The following DMD variants were observed in gnomAD, a reference collection of about 807,000 sequenced individuals.
The protein encoded by DMD is dystrophin.
DMD carries 63 observed loss-of-function variants against 330.1 expected under a neutral mutation model. That is an observed-to-expected ratio of 0.19 (90% confidence interval 0.16 to 0.24). DMD has a LOEUF of 0.24. DMD is among the 10% of genes least tolerant of loss of function. The pLI, the probability that DMD is intolerant of heterozygous loss-of-function variation, is 1.00. For missense variants in DMD, 3,344 were observed against 2,684.1 expected (o/e 1.25, Z -5.43); for synonymous variants, 1,223 against 959.8 (o/e 1.27, Z -5.07).
At chrX:31,571,461 T>C (rs2075818181) in intron 55 of DMD, among the ~76,000 whole-genome samples, 1 of 110,667 alleles carries the variant, frequency 9.0e-6, no homozygotes, top group Non-Finnish European at 1.9e-5. Context: ...TTGTAATTTT[T>C]AAAAATCTGT....
chrX:31,122,690 T>A (rs1465665789), intron 78 of DMD, among the ~76,000 whole-genome samples: 4 of 111,857 alleles, frequency 3.6e-5, no homozygotes, highest in African/African-American at 1.3e-4. Flanking sequence ...CCACATGTAT[T>A]GTATGCATTT....
At chrX:32,951,270 T>G (rs1450176641) in intron 2 of DMD, among the ~76,000 whole-genome samples, 1 of 111,854 alleles carries the variant, frequency 8.9e-6, no homozygotes, top group Non-Finnish European at 1.9e-5. Context: ...TCCTAAAATC[T>G]TGTGGAGGCG....
At position 31,178,598 on chromosome X, in the gene DMD, G is replaced by A. The variant is rs2040809888; in HGVS notation, c.10223+71C>T. On this transcript the variant is annotated intron_variant, in intron 70 of 78. Coordinates refer to ENST00000357033, the MANE Select transcript of DMD (RefSeq NM_004006.3). ...AGACTGTTTGCATTTGGGAGTGAAG[G>A]AGGGTGTTCAGCTGAGAGGAGTTCA... 3 of 1,140,833 alleles carry A rather than the reference G, an allele frequency of 2.6e-6. No homozygotes were observed. The South Asian group carries it at 6.9e-5, about 26-fold the overall frequency. 94.0% of individuals were successfully genotyped at this position (1,140,833 alleles called of 1,213,427 possible).
intron 67 of DMD, among the ~76,000 whole-genome samples, chrX:31,189,896 T>A (rs1452356215): frequency 2.7e-5 from 3 of 112,765 alleles, no homozygotes; most frequent in Non-Finnish European, 5.6e-5. Flanking sequence ...AAATTTCCTT[T>A]ATCGATTACA....
Position 32,815,494 on chromosome X carries a change from C to CACAT in DMD, c.530+973_530+974insATGT, listed in dbSNP as rs2077664780. ...TCTCTCTCAAATACACACACACAAG[C>CACAT]ATATATATATATATATATATATATA... is the stretch of plus-strand genomic sequence containing the variant. On this transcript the variant is annotated intron_variant, in intron 6 of 78. Coordinates refer to ENST00000357033, the MANE Select transcript of DMD (RefSeq NM_004006.3). Among the ~76,000 whole-genome samples the CACAT allele has an allele frequency of 8.3e-5, 6 of 71,867 alleles. No individual in the cohort carries two copies. The Admixed American group carries it at 1.1e-3, about 13-fold the overall frequency. 62.4% of individuals were successfully genotyped at this position (71,867 alleles called of 115,157 possible).
At chrX:31,944,757 C>T (rs2095063928) in intron 45 of DMD, among the ~76,000 whole-genome samples, 1 of 108,460 alleles carries the variant, frequency 9.2e-6, no homozygotes, top group Non-Finnish European at 1.9e-5. Flanking sequence ...ATCCGCCCGC[C>T]TCGGCCTCCC....
chrX:31,695,708 C>A (rs905477934), intron 52 of DMD, among the ~76,000 whole-genome samples: 5 of 110,718 alleles, frequency 4.5e-5, no homozygotes, highest in Non-Finnish European at 9.5e-5. Flanking sequence ...TTTGTATGTG[C>A]AGTTTAAAAA....
intron 41 of DMD, among the ~76,000 whole-genome samples, chrX:32,337,993 T>C (rs1251101129): frequency 1.8e-5 from 2 of 111,731 alleles, no homozygotes; most frequent in South Asian, 3.7e-4. Flanking sequence ...CAAAAATCTA[T>C]AGACAAGAAA....
At chrX:32,781,452 T>C (rs1427634734) in intron 7 of DMD, among the ~76,000 whole-genome samples, 1 of 112,108 alleles carries the variant, frequency 8.9e-6, no homozygotes, top group African/African-American at 3.2e-5. Context: ...AACGAAACAT[T>C]TGAAAAACAG....
intron 76 of DMD, among the ~76,000 whole-genome samples, chrX:31,139,507 ACG>A (rs1555989030): frequency 9.4e-6 from 1 of 106,934 alleles, no homozygotes; most frequent in African/African-American, 3.4e-5. Flanking sequence ...ACACACACAC[ACG>A]CCATGGAATA....
Position 31,146,317 on chromosome X carries a change from A to G in DMD, c.10895T>C (p.Val3632Ala), listed in dbSNP as rs774578079. 8.3e-7 allele frequency: 1 copy of G among 1,211,254 alleles called. No individual in the cohort carries two copies. The highest frequency in any genetic ancestry group is 1.1e-6 in the Non-Finnish European group (1 of 895,240). Residue 3632 changes from valine to alanine, a missense_variant, in exon 76 of 79, where the codon GTT (valine) becomes GCT (alanine). Physicochemically the swap from Val to Ala is moderately conservative, Grantham distance 64. Transcript: ENST00000357033. ...CATGGAGTCCGAAGTTTGACTGCCA[A>G]CCACTCGGAGCAGCATAGGCTGACT... is the stretch of plus-strand genomic sequence containing the variant. ...DSSQPMLLRV[V>A]GSQTSDSMGE...
intron 16 of DMD, among the ~76,000 whole-genome samples, chrX:32,556,492 T>A (rs888643631): frequency 1.3e-4 from 14 of 111,577 alleles, no homozygotes; most frequent in Admixed American, 2.8e-4. Context: ...ATCATTCTAT[T>A]ATAAAGATAC....
chrX:31,499,574 C>T (rs1361528349), intron 56 of DMD, among the ~76,000 whole-genome samples: 1 of 105,568 alleles, frequency 9.5e-6, no homozygotes, highest in African/African-American at 3.5e-5. Context: ...CTCACTGCAC[C>T]TCCACCTCCC....
chrX:33,214,268 A>G (rs780047377), upstream of DMD, among the ~76,000 whole-genome samples: 4 of 111,121 alleles, frequency 3.6e-5, no homozygotes, highest in East Asian at 1.1e-3. Flanking sequence ...CTCTAGATTC[A>G]TGTCCCAGAG....
intron 74 of DMD, among the ~76,000 whole-genome samples, chrX:31,165,083 C>T (rs2039273916): frequency 1.8e-5 from 2 of 111,454 alleles, no homozygotes; most frequent in South Asian, 3.8e-4. Flanking sequence ...AAAGATTTCC[C>T]GTAGCTATGA....
At chrX:32,709,171 T>C (rs1191869021) in intron 7 of DMD, among the ~76,000 whole-genome samples, 7 of 111,711 alleles carry the variant, frequency 6.3e-5, no homozygotes, top group Non-Finnish European at 1.1e-4. Context: ...CAACTACAAA[T>C]ACAATAATAT....
intron 51 of DMD, 103 bp downstream of exon 51, chrX:31,773,857 G>A (rs1373807686): frequency 2.5e-5 from 16 of 645,994 alleles, no homozygotes; most frequent in Non-Finnish European, 1.7e-5. Context: ...AGAAACAGTT[G>A]CCTAAGAACT....
intron 55 of DMD, among the ~76,000 whole-genome samples, chrX:31,562,368 A>C (rs1446579190): frequency 8.9e-6 from 1 of 112,061 alleles, no homozygotes; most frequent in African/African-American, 3.2e-5. Context: ...GTGCATTTAA[A>C]ATTTTTGTAG....
At chrX:33,063,457 T>C (rs1327658989) in intron 1 of DMD, among the ~76,000 whole-genome samples, 3 of 111,838 alleles carry the variant, frequency 2.7e-5, no homozygotes, top group Admixed American at 9.5e-5. Flanking sequence ...GAAAGTAAGA[T>C]AGATAATAAT....
Sources: gnomAD v4.1 joint callset for allele counts (sites outside exome capture counted in the v4.1 genomes callset) on GRCh38, gnomAD v4.1.1 for gene constraint, MANE v1.5 for transcripts, NCBI Gene and HGNC (gene_info 2026-07-23, HGNC 2026-07-21) for gene names.